Variants in PLEKHG1 observed in about 807,000 individuals in gnomAD.
PLEKHG1 encodes the protein pleckstrin homology domain-containing family G member 1.
Under a neutral mutation model 100.8 loss-of-function variants are expected in PLEKHG1, and 44 were observed. That is an observed-to-expected ratio of 0.44 (90% CI 0.34 to 0.56). The LOEUF is 0.56. PLEKHG1 is among the 20% of genes least tolerant of loss of function. The pLI, the probability that PLEKHG1 is intolerant of heterozygous loss-of-function variation, is 0.01. For missense variants in PLEKHG1, 1,545 were observed against 1,720.9 expected (o/e 0.90, Z 1.81); for synonymous variants, 640 against 662.5 (o/e 0.97, Z 0.52).
intron 1 of PLEKHG1, among the ~76,000 whole-genome samples, chr6:150,603,900 G>T (rs1413247178): frequency 1.3e-5 from 2 of 151,724 alleles, no homozygotes; most frequent in African/African-American, 4.9e-5. Flanking sequence ...GGTAGGCTAA[G>T]TTTTTTAAAA....
At chr6:150,720,847 G>A (rs146996190), upstream of PLEKHG1, among the ~76,000 whole-genome samples, 481 of 152,322 alleles carry the variant, frequency 3.2e-3, no homozygotes, top group Non-Finnish European at 5.6e-3. Context: ...TGTATTTGAT[G>A]TTCACAAAAG....
chr6:150,668,206 A>AT lies in PLEKHG1; in HGVS notation c.-99+17422dup, dbSNP rs148987802. Among the ~76,000 whole-genome samples the AT allele has an allele frequency of 6.4e-3, 969 of 152,350 alleles. 11 individuals are homozygous for AT. The highest frequency in any genetic ancestry group is 0.022 in the African/African-American group (903 of 41,584). The stretch of plus-strand genomic sequence containing the variant: ...TGCTTGCCAAAAGCAGACATAAAGC[A>AT]TTGGCTGCCCTACCTGTAACTTCTG... On this transcript the variant is annotated intron_variant, in intron 3 of 3. Transcript: ENST00000367326.
chr6:150,720,752 A>G (rs1378796602), upstream of PLEKHG1, among the ~76,000 whole-genome samples: 2 of 152,182 alleles, frequency 1.3e-5, no homozygotes, highest in Non-Finnish European at 2.9e-5. Flanking sequence ...AGAGCTCCAA[A>G]GATCTTGCTT....
chr6:150,722,302 T>C (rs565643084), intron 1 of PLEKHG1, among the ~76,000 whole-genome samples: 175 of 151,968 alleles, frequency 1.2e-3, no homozygotes, highest in South Asian at 4.8e-3. Context: ...TCTCTGTTAC[T>C]AGTCACTTTA....
At chr6:150,694,460 G>T (rs917725980) in intron 3 of PLEKHG1, among the ~76,000 whole-genome samples, 3 of 151,990 alleles carry the variant, frequency 2.0e-5, no homozygotes, top group African/African-American at 7.3e-5. Flanking sequence ...AGCACTTTGG[G>T]AGGCCGAGGT....
At chr6:150,692,126 G>T (rs1379555639) in intron 3 of PLEKHG1, among the ~76,000 whole-genome samples, 1 of 152,200 alleles carries the variant, frequency 6.6e-6, no homozygotes, top group Non-Finnish European at 1.5e-5. Context: ...ATAAGGCCTA[G>T]CAACTTCAGG....
At chr6:150,801,376 T>C (rs185720759) in intron 6 of PLEKHG1, among the ~76,000 whole-genome samples, 27 of 152,210 alleles carry the variant, frequency 1.8e-4, no homozygotes, top group Admixed American at 2.6e-4. Flanking sequence ...TTTTGCAAAA[T>C]GCAAGAAGGC....
At chr6:150,824,348 G>A (rs1400529949) in intron 14 of PLEKHG1, among the ~76,000 whole-genome samples, 1 of 152,144 alleles carries the variant, frequency 6.6e-6, no homozygotes, top group East Asian at 1.9e-4. Flanking sequence ...ACAATTCTTA[G>A]AGAACTGATC....
exon 16 of PLEKHG1, chr6:150,839,882 A>G (rs17348890): frequency 0.16 from 260,579 of 1,613,074 alleles, 22,523 homozygotes; most frequent in Admixed American, 0.2. Context: ...TTGTATTCAG[A>G]GAGTCTCCCT....
intron 3 of PLEKHG1, among the ~76,000 whole-genome samples, chr6:150,774,352 A>G (rs896785122): frequency 6.6e-6 from 1 of 152,044 alleles, no homozygotes; most frequent in Non-Finnish European, 1.5e-5. Context: ...TTTATTGTGA[A>G]TATTGAGTTT....
chr6:150,777,104 C>G lies in PLEKHG1; in HGVS notation c.512+8366C>G, dbSNP rs576026413. ...ATCCTGGTGCACATGTGCGGTTGCA[C>G]ATCAGTCACACTGATGCAATCCTGG... On this transcript the variant is annotated intron_variant, in intron 3 of 15. Transcript: ENST00000358517. 8.6e-5 allele frequency among the ~76,000 whole-genome samples: 13 copies of G among 150,306 alleles called. No homozygotes were observed. In the East Asian group the frequency reaches 2.6e-3, roughly 30 times the overall value.
In PLEKHG1 at chr6:150,782,050, T is replaced by C. The variant is rs551376363; in HGVS notation, c.513-4340T>C. Among the ~76,000 whole-genome samples the C allele has an allele frequency of 6.6e-5, 10 of 151,878 alleles. No individual in the cohort carries two copies. In the East Asian group the frequency reaches 1.6e-3, roughly 24 times the overall value. On this transcript the variant is annotated intron_variant, in intron 3 of 15. Coordinates refer to ENST00000358517, the Ensembl canonical transcript of PLEKHG1. ...GCCTTGGCCTCCCAAAGTGCTGGGATTACAGGTGTGAACCACCATGCCCGG... is the reference window on the plus strand; with the variant it reads ...GCCTTGGCCTCCCAAAGTGCTGGGACTACAGGTGTGAACCACCATGCCCGG...
chr6:150,625,379 C>G (rs576931950), intron 1 of PLEKHG1, among the ~76,000 whole-genome samples: 1 of 152,090 alleles, frequency 6.6e-6, no homozygotes, highest in African/African-American at 2.4e-5. Context: ...CTCCCTGTGT[C>G]GTTACATGGT....
At chr6:150,832,436 C>T (rs1468398286) in intron 15 of PLEKHG1, among the ~76,000 whole-genome samples, 3 of 152,102 alleles carry the variant, frequency 2.0e-5, no homozygotes, top group Admixed American at 6.6e-5. Context: ...CATGTAACAT[C>T]GTAACTGCAG....
intron 2 of PLEKHG1, among the ~76,000 whole-genome samples, chr6:150,739,081 A>G (rs998976920): frequency 2.0e-5 from 3 of 152,164 alleles, no homozygotes; most frequent in South Asian, 2.1e-4. Context: ...TGAGAACCTC[A>G]TAAGATTTGG....
intron 3 of PLEKHG1, among the ~76,000 whole-genome samples, chr6:150,697,658 G>A (rs1780601977): frequency 6.6e-6 from 1 of 152,214 alleles, no homozygotes; most frequent in Admixed American, 6.5e-5. Context: ...GTGTACAACT[G>A]GAAGAGAGTT....
At chr6:150,765,956 C>A (rs1388725464) in intron 2 of PLEKHG1, among the ~76,000 whole-genome samples, 1 of 152,102 alleles carries the variant, frequency 6.6e-6, no homozygotes. Flanking sequence ...TTGAATAGGA[C>A]CAAGTCAGAT....
In PLEKHG1 at chr6:150,734,091, A is replaced by G. The variant is rs1471275854; in HGVS notation, c.410A>G (p.Glu137Gly). 10 of 1,598,816 alleles carry G rather than the reference A, an allele frequency of 6.3e-6. No individual in the cohort carries two copies. In the East Asian group the frequency reaches 2.2e-4, roughly 36 times the overall value. The change falls in exon 2 of 16, where the codon GAG becomes GGG. Residue 137 changes from glutamate to glycine, a missense_variant and splice_region_variant. Transcript: ENST00000358517. ...GTACAAGATTTAAAAAGCATCGTAGAGGTAAGACCGACTTCGCTTTTAATG... is the reference window on the plus strand; with the variant it reads ...GTACAAGATTTAAAAAGCATCGTAGGGGTAAGACCGACTTCGCTTTTAATG...
At chr6:150,784,658 A>G (rs1175372015) in intron 3 of PLEKHG1, among the ~76,000 whole-genome samples, 1 of 152,216 alleles carries the variant, frequency 6.6e-6, no homozygotes, top group African/African-American at 2.4e-5. Flanking sequence ...GGTCACCAAG[A>G]AAGAAATGCA....
Sources: gnomAD v4.1 joint callset for allele counts (sites outside exome capture counted in the v4.1 genomes callset) on GRCh38, gnomAD v4.1.1 for gene constraint, MANE v1.5 for transcripts, NCBI Gene and HGNC (gene_info 2026-07-23, HGNC 2026-07-21) for gene names.